NR4A3: variants seen among roughly 807,000 people sequenced by gnomAD.
NR4A3 encodes chondrosarcoma, extraskeletal myxoid, fused to EWS.
Under a neutral mutation model 55.6 loss-of-function variants are expected in NR4A3, and 13 were observed. The ratio of observed to expected loss-of-function variants is 0.23; its 90% CI spans 0.15 to 0.37. The LOEUF is 0.37. Among genes scored for constraint, NR4A3 ranks in the 10% least tolerant of loss-of-function variants. The pLI is 1.00. For synonymous variants in NR4A3, 342 were observed against 357.9 expected (o/e 0.96, Z 0.50); for missense variants, 646 against 822.8 (o/e 0.79, Z 2.63).
intron 3 of NR4A3, 113 bp from the exon 4 acceptor site, chr9:99,832,576 C>A (rs1348034842): frequency 7.0e-6 from 6 of 861,408 alleles, no homozygotes; most frequent in Non-Finnish European, 8.1e-6. Context: ...TTAAATTTAT[C>A]GAATTATACG....
intron 5 of NR4A3, among the ~76,000 whole-genome samples, chr9:99,840,367 T>G (rs1827631849): frequency 1.3e-5 from 2 of 152,188 alleles, no homozygotes; most frequent in African/African-American, 4.8e-5. Context: ...TTTGATGGAT[T>G]CTGAACAAAT....
At chr9:99,846,427 C>T (rs1413416067) in intron 6 of NR4A3, among the ~76,000 whole-genome samples, 1 of 152,172 alleles carries the variant, frequency 6.6e-6, no homozygotes, top group Non-Finnish European at 1.5e-5. Context: ...CCCAAAGCCA[C>T]ACCCCAAGTC....
intron 7 of NR4A3, among the ~76,000 whole-genome samples, chr9:99,856,023 A>C (rs1243044410): frequency 6.6e-6 from 1 of 152,162 alleles, no homozygotes; most frequent in Non-Finnish European, 1.5e-5. Context: ...TACATATAGC[A>C]GCGGTCCCCA....
rs903558816 is a variant in NR4A3, at chr9:99,833,229, T to C, written c.1082-53T>C. The C allele has an allele frequency of 8.5e-6, 13 of 1,533,630 alleles. No homozygotes were observed. In the Admixed American group the frequency reaches 1.5e-4, roughly 18 times the overall value. ...TTTTATTCCTTTTTGCGATTTATGG[T>C]CGTTCATTCCATAATCTTTGAAGAT... On this transcript the variant is annotated intron_variant, in intron 4 of 7. Transcript: ENST00000395097.
At chr9:99,846,047 G>A (rs1827747580) in intron 6 of NR4A3, among the ~76,000 whole-genome samples, 1 of 152,206 alleles carries the variant, frequency 6.6e-6, no homozygotes, top group African/African-American at 2.4e-5. Context: ...TTCTCCCAGT[G>A]CCTGGCTCCA....
rs1484694481 is a variant in NR4A3 at position 99,828,635 on chromosome 9, C to T, written c.593C>T (p.Pro198Leu). Residue 198 changes from proline to leucine, a missense_variant, in exon 3 of 8, where the codon CCG (proline) becomes CTG (leucine). Transcript: ENST00000395097. This position sits in a 1 kb window ranked among gnomAD's most constrained non-coding sequence, Gnocchi z 7.7. ...CTCTTCCACTTCAAGCCCTCGCCGC[C>T]GCATCCCCCCGCGCCCAGCCCGGCC... ...FPLFHFKPSP[P>L]HPPAPSPAGG... The T allele has an allele frequency of 3.4e-6, 5 of 1,469,844 alleles. No individual in the cohort carries two copies. Among genetic ancestry groups the T allele is most frequent in the Non-Finnish European group, 4.5e-6 (5 of 1,119,936 alleles). 91.1% of individuals were successfully genotyped at this position (1,469,844 alleles called of 1,614,324 possible).
At chr9:99,844,091 G>A (rs1419568617) in intron 5 of NR4A3, among the ~76,000 whole-genome samples, 3 of 143,966 alleles carry the variant, frequency 2.1e-5, no homozygotes, top group Non-Finnish European at 3.0e-5. Context: ...ACACATTCCT[G>A]GGTGTTGCTG....
At chr9:99,846,274 C>T (rs1343477725) in intron 6 of NR4A3, among the ~76,000 whole-genome samples, 4 of 152,204 alleles carry the variant, frequency 2.6e-5, no homozygotes, top group Admixed American at 6.5e-5. Flanking sequence ...CAATATTTGT[C>T]GAACCATCCT....
chr9:99,859,939 TAATTC>T (rs1438636919), intron 7 of NR4A3, among the ~76,000 whole-genome samples: 1 of 152,212 alleles, frequency 6.6e-6, no homozygotes, highest in African/African-American at 2.4e-5. Flanking sequence ...TTTTCATTAT[TAATTC>T]AATTTAGTAT....
chr9:99,825,178 C>A lies in NR4A3; in HGVS notation c.-176-481C>A, dbSNP rs143577210. On this transcript the variant is annotated intron_variant, in intron 1 of 7. Coordinates refer to ENST00000395097, the MANE Select transcript of NR4A3 (RefSeq NM_006981.4). This position sits in a 1 kb window ranked among gnomAD's most constrained non-coding sequence, Gnocchi z 5.0. ...CGGACCTTGTGCATTTCCTATGCAA[C>A]GTGTAAAATTTGTATTTGAGGGGTG... is the stretch of plus-strand genomic sequence containing the variant. Among the ~76,000 whole-genome samples, 2 of 146,796 alleles carry A rather than the reference C, an allele frequency of 1.4e-5. No homozygotes were observed. The highest frequency in any genetic ancestry group is 3.9e-4 in the East Asian group (2 of 5,068).
chr9:99,841,353 C>A (rs938480737), intron 5 of NR4A3, among the ~76,000 whole-genome samples: 1 of 152,026 alleles, frequency 6.6e-6, no homozygotes, highest in Non-Finnish European at 1.5e-5. Context: ...TTCAGGACTT[C>A]ATAGAATCCC....
chr9:99,826,800 G>A (rs1461795330), intron 2 of NR4A3: 1 of 1,613,354 alleles, frequency 6.2e-7, no homozygotes, highest in Non-Finnish European at 8.5e-7. Context: ...TTGGAAATGT[G>A]GGTAAGAGAA....
intron 2 of NR4A3, among the ~76,000 whole-genome samples, chr9:99,827,802 A>C (rs1303482481): frequency 6.6e-6 from 1 of 152,164 alleles, no homozygotes; most frequent in Non-Finnish European, 1.5e-5. Context: ...AAGGGAGGAA[A>C]GATAGGTACA....
intron 5 of NR4A3, among the ~76,000 whole-genome samples, chr9:99,838,476 T>C (rs1390375076): frequency 6.6e-6 from 1 of 152,220 alleles, no homozygotes; most frequent in Non-Finnish European, 1.5e-5. Context: ...CAGAAGACCC[T>C]CTCAAATTGT....
At chr9:99,836,100 GATGAAAGC>G (rs1827555308) in intron 5 of NR4A3, among the ~76,000 whole-genome samples, 1 of 152,142 alleles carries the variant, frequency 6.6e-6, no homozygotes, top group African/African-American at 2.4e-5. Context: ...CAAAAACTTG[GATGAAAGC>G]ATAAAAGCAT....
At position 99,838,315 on chromosome 9, in the gene NR4A3, C is replaced by T. The variant is rs565258803; in HGVS notation, c.1254+4861C>T. 2.0e-5 allele frequency among the ~76,000 whole-genome samples: 3 copies of T among 152,286 alleles called. No individual in the cohort carries two copies. The East Asian group carries it at 5.8e-4, about 29-fold the overall frequency. The stretch of plus-strand genomic sequence containing the variant: ...TAACGGAGTAACAGACTTGCAAATA[C>T]GAGAGGTGCTGCTCAGATAAAACCA... On this transcript the variant is annotated intron_variant, in intron 5 of 7. Transcript: ENST00000395097.
rs1233291584 is a variant in NR4A3, at chr9:99,833,361, T to C, written c.1161T>C (p.Ser387=). Residue 387 remains serine, a synonymous_variant, in exon 5 of 8, where the codon TCT becomes TCC. Transcript: ENST00000395097. Reference sequence around the variant, plus strand: ...AGAGCCCATTACAACAGGAACCTTCTCAGCCCTCTCCACCTTCTCCTCCAA... The same window carrying C: ...AGAGCCCATTACAACAGGAACCTTCCCAGCCCTCTCCACCTTCTCCTCCAA... ...KPKSPLQQEP[S]QPSPPSPPIC... is the part of the protein sequence containing the mutation. The C allele has an allele frequency of 2.1e-5, 34 of 1,614,154 alleles. No individual in the cohort carries two copies. Among genetic ancestry groups the C allele is most frequent in the Non-Finnish European group, 2.9e-5 (34 of 1,180,004 alleles).
At chr9:99,837,458 A>G (rs1827576709) in intron 5 of NR4A3, among the ~76,000 whole-genome samples, 1 of 152,154 alleles carries the variant, frequency 6.6e-6, no homozygotes, top group African/African-American at 2.4e-5. Context: ...AGATCTCATC[A>G]CTCAATAGGT....
intron 5 of NR4A3, among the ~76,000 whole-genome samples, chr9:99,843,318 ATTAAC>A (rs1587881054): frequency 6.6e-6 from 1 of 152,188 alleles, no homozygotes; most frequent in African/African-American, 2.4e-5. Flanking sequence ...TTTAGTTTTT[ATTAAC>A]TTAAATAGCC....
Sources: gnomAD v4.1 joint callset for allele counts (sites outside exome capture counted in the v4.1 genomes callset) on GRCh38, gnomAD v4.1.1 for gene constraint, Gnocchi (gnomAD v3.1) non-coding constraint, MANE v1.5 for transcripts, NCBI Gene and HGNC (gene_info 2026-07-23, HGNC 2026-07-21) for gene names.